GSE1: variants seen among roughly 807,000 people sequenced by gnomAD.
GSE1 encodes genetic suppressor element 1.
GSE1 carries 32 observed loss-of-function variants against 112.6 expected under a neutral mutation model. The ratio of observed to expected loss-of-function variants is 0.28; its 90% CI spans 0.21 to 0.38. GSE1 has a LOEUF of 0.38. Ranked by LOEUF, GSE1 falls within the 10% of genes least tolerant of loss-of-function variation. The pLI, the probability that GSE1 is intolerant of heterozygous loss-of-function variation, is 1.00. For synonymous variants in GSE1, 1,115 were observed against 735.6 expected, an observed-to-expected ratio of 1.52 and a Z score of -8.35; for missense variants, 2,348 against 1,699.2, an observed-to-expected ratio of 1.38 and a Z score of -6.71.
At chr16:85,289,710 A>T (rs148190260) in intron 1 of GSE1, among the ~76,000 whole-genome samples, 109 of 152,232 alleles carry the variant, frequency 7.2e-4, no homozygotes, top group African/African-American at 2.4e-3. Flanking sequence ...TAGGCAACTC[A>T]CGTTTGCTGG....
intron 1 of GSE1, among the ~76,000 whole-genome samples, chr16:85,565,657 C>T (rs1454752300): frequency 2.0e-5 from 3 of 152,200 alleles, no homozygotes; most frequent in Non-Finnish European, 4.4e-5. Flanking sequence ...TTCATGAGCC[C>T]TCCTGGGGAT....
rs906674732 is a variant in GSE1, at chr16:85,675,653, A to C, written c.*3114A>C. 2.2e-4 allele frequency: 33 copies of C among 152,212 alleles called. No individual in the cohort carries two copies. Among genetic ancestry groups the C allele is most frequent in the African/African-American group, 7.7e-4 (32 of 41,448 alleles). The allele number at this position is 152,212 out of a possible 1,614,324, so 9.4% of individuals were successfully genotyped here. On this transcript the variant is annotated 3_prime_UTR_variant, in exon 16 of 16. Coordinates refer to ENST00000253458, the MANE Select transcript of GSE1 (RefSeq NM_014615.5). Reference sequence around the variant, plus strand: ...TCCTCAAGTAGCTCATAATACTGCCAAATCTCAAAAGTTAAGCTGAATTTC... The same window carrying C: ...TCCTCAAGTAGCTCATAATACTGCCCAATCTCAAAAGTTAAGCTGAATTTC...
intron 1 of GSE1, among the ~76,000 whole-genome samples, chr16:85,201,617 A>G (rs1212157351): frequency 2.7e-5 from 4 of 150,914 alleles, no homozygotes; most frequent in African/African-American, 4.9e-5. Flanking sequence ...AGGCCACTGC[A>G]CTCCAGCCTG....
chr16:85,407,739 G>A (rs1250887548), intron 2 of GSE1, among the ~76,000 whole-genome samples: 1 of 18,812 alleles, frequency 5.3e-5, no homozygotes, highest in Non-Finnish European at 9.9e-5. Flanking sequence ...AGGGCCCCCC[G>A]GATAATCCTC....
At chr16:85,669,099 C>A (rs904476536) in intron 14 of GSE1, among the ~76,000 whole-genome samples, 2 of 152,262 alleles carry the variant, frequency 1.3e-5, no homozygotes, top group Non-Finnish European at 2.9e-5. Flanking sequence ...GCATTTGATG[C>A]TCCTGTATAC....
intron 1 of GSE1, among the ~76,000 whole-genome samples, chr16:85,268,064 T>G (rs1476243734): frequency 6.6e-6 from 1 of 152,112 alleles, no homozygotes; most frequent in Non-Finnish European, 1.5e-5. Context: ...TTGTCACGGT[T>G]GGTAAGGAGG....
At chr16:85,418,635 G>T (rs2048757351) in intron 2 of GSE1, among the ~76,000 whole-genome samples, 1 of 152,178 alleles carries the variant, frequency 6.6e-6, no homozygotes, top group African/African-American at 2.4e-5. Context: ...TTGGGGACAG[G>T]CACCATCAAG....
chr16:85,640,900 C>G (rs979464829), intron 2 of GSE1, among the ~76,000 whole-genome samples: 1 of 151,900 alleles, frequency 6.6e-6, no homozygotes, highest in Non-Finnish European at 1.5e-5. Flanking sequence ...TCTCCTGGCC[C>G]GGGGGCCAGA....
At chr16:85,580,822 G>A (rs1343691000) in intron 1 of GSE1, among the ~76,000 whole-genome samples, 4 of 152,256 alleles carry the variant, frequency 2.6e-5, no homozygotes, top group African/African-American at 7.2e-5. Context: ...TGAGCTCTCG[G>A]CCAGAAGGCA....
At chr16:85,643,597 G>C (rs1379305152) in intron 2 of GSE1, among the ~76,000 whole-genome samples, 1 of 152,236 alleles carries the variant, frequency 6.6e-6, no homozygotes, top group Non-Finnish European at 1.5e-5. Flanking sequence ...TCTCTGGGAG[G>C]TGGGGTTCAG....
intron 2 of GSE1, among the ~76,000 whole-genome samples, chr16:85,468,310 T>G: frequency 6.9e-6 from 1 of 144,268 alleles, no homozygotes; most frequent in African/African-American, 2.6e-5. Flanking sequence ...GGCCCTTCTT[T>G]CCTTTTTTTT....
intron 1 of GSE1, among the ~76,000 whole-genome samples, chr16:85,219,539 G>T (rs141159557): frequency 2.2e-3 from 332 of 152,228 alleles, no homozygotes; most frequent in Middle Eastern, 6.8e-3. Context: ...TCTCTAGAAA[G>T]CCCCCTCTTG....
intron 2 of GSE1, among the ~76,000 whole-genome samples, chr16:85,458,385 G>A (rs1417839764): frequency 2.6e-5 from 4 of 152,248 alleles, no homozygotes; most frequent in Non-Finnish European, 5.9e-5. Flanking sequence ...GGTGCCTGGA[G>A]GGGAGCCCTC....
intron 1 of GSE1, among the ~76,000 whole-genome samples, chr16:85,191,199 G>A (rs1037492083): frequency 8.5e-5 from 13 of 152,288 alleles, no homozygotes; most frequent in African/African-American, 3.1e-4. Flanking sequence ...AGCAGAGGCT[G>A]CAGTGAGCCA....
intron 1 of GSE1, among the ~76,000 whole-genome samples, chr16:85,326,283 C>T (rs775961747): frequency 8.5e-5 from 13 of 152,220 alleles, no homozygotes; most frequent in Non-Finnish European, 1.9e-4. Flanking sequence ...ACTTCCACCA[C>T]ATCTTGGCTG....
At chr16:85,533,010 T>G (rs751535071) in intron 2 of GSE1, among the ~76,000 whole-genome samples, 2 of 152,120 alleles carry the variant, frequency 1.3e-5, no homozygotes, top group Non-Finnish European at 2.9e-5. Context: ...CTGCCGGAGG[T>G]GTCGGCCGCT....
exon 1 of GSE1, chr16:85,170,677 C>G: frequency 2.0e-6 from 2 of 985,704 alleles, no homozygotes; most frequent in Non-Finnish European, 2.4e-6. Context: ...CCACCAGGTC[C>G]ACGTGCAGAA....
chr16:85,288,233 C>A (rs2045099374), intron 1 of GSE1, among the ~76,000 whole-genome samples: 2 of 151,850 alleles, frequency 1.3e-5, no homozygotes, highest in South Asian at 2.1e-4. Context: ...GAGCAAGAAT[C>A]TGACCCAAAA....
intron 2 of GSE1, among the ~76,000 whole-genome samples, chr16:85,640,381 A>G (rs2151809026): frequency 6.6e-6 from 1 of 152,360 alleles, no homozygotes; most frequent in East Asian, 1.9e-4. Flanking sequence ...CTTGGGCCAC[A>G]GGGACGGGGC....
Sources: allele counts gnomAD v4.1 joint callset (sites outside exome capture counted in the v4.1 genomes callset), GRCh38; gene constraint gnomAD v4.1.1; transcripts MANE v1.5; gene names NCBI Gene and HGNC (gene_info 2026-07-23, HGNC 2026-07-21).